RGS3: variants seen among roughly 807,000 people sequenced by gnomAD.
The protein encoded by RGS3 is regulator of G protein signaling 3.
A neutral mutation model predicts 132.6 loss-of-function variants in RGS3; 80 were observed. That is an observed-to-expected ratio of 0.60 (90% CI 0.50 to 0.73). RGS3 has a LOEUF of 0.73. RGS3 is among the 30% of genes least tolerant of loss of function. The probability of loss-of-function intolerance (pLI) is 0.00; values close to 1 mark genes in which losing one functional copy is unlikely to be tolerated. For missense variants in RGS3, 1,382 were observed against 1,530.8 expected, an observed-to-expected ratio of 0.90 and a Z score of 1.62; for synonymous variants, 598 against 620.6, an observed-to-expected ratio of 0.96 and a Z score of 0.54.
At chr9:113,497,496 C>G in intron 9 of RGS3, 92 bp downstream of exon 7, 2 of 1,051,980 alleles carry the variant, frequency 1.9e-6, no homozygotes, top group Non-Finnish European at 2.8e-6. Context: ...TTTGGTGGCC[C>G]CTGCTACTGA....
rs747060935 is a variant in RGS3 at position 113,594,156 on chromosome 9, G to A, written c.3081-274G>A. The A allele has an allele frequency of 1.6e-5, 26 of 1,612,996 alleles. No individual in the cohort carries two copies. The highest frequency in any genetic ancestry group is 2.2e-5 in the South Asian group (2 of 91,092). ...TCATCAGGCCAGGATTCCAGAGAGC[G>A]TGTGTGGCTGCAGCCTGCACCGTTG... On this transcript the variant is annotated intron_variant, in intron 21 of 24. Transcript: ENST00000350696.
chr9:113,449,186 G>A (rs1473255518), intron 1 of RGS3, among the ~76,000 whole-genome samples: 1 of 152,158 alleles, frequency 6.6e-6, no homozygotes, highest in Non-Finnish European at 1.5e-5. Context: ...GACCAGTTAG[G>A]AGGCTATCAT....
chr9:113,501,361 T>C (rs1234102007), intron 10 of RGS3: 2 of 1,307,120 alleles, frequency 1.5e-6, no homozygotes, highest in Non-Finnish European at 2.0e-6. Flanking sequence ...TCCCTCTTCC[T>C]TGTCATTCTG....
intron 17 of RGS3, among the ~76,000 whole-genome samples, chr9:113,524,496 G>T (rs569333278): frequency 3.3e-5 from 5 of 152,228 alleles, no homozygotes; most frequent in Non-Finnish European, 7.3e-5. Flanking sequence ...TCAGCTTCCT[G>T]CGAGAAGGAG....
chr9:113,479,539 A>G, exon 4 of RGS3: 1 of 1,614,090 alleles, frequency 6.2e-7, no homozygotes, highest in Non-Finnish European at 8.5e-7. Context: ...CTGCTGCTTC[A>G]CAGTGAGTAC....
intron 7 of RGS3, among the ~76,000 whole-genome samples, chr9:113,491,019 T>A (rs1359950623): frequency 7.4e-6 from 1 of 134,464 alleles, no homozygotes. Flanking sequence ...GTAACGTAAT[T>A]ATTATATATT....
intron 19 of RGS3, among the ~76,000 whole-genome samples, chr9:113,566,343 G>A (rs548009826): frequency 6.6e-6 from 1 of 152,330 alleles, no homozygotes; most frequent in Admixed American, 6.5e-5. Flanking sequence ...CCATCAGGCA[G>A]GGGGTGGTGG....
chr9:113,493,096 C>T (rs1468160301), intron 7 of RGS3, among the ~76,000 whole-genome samples: 1 of 152,194 alleles, frequency 6.6e-6, no homozygotes, highest in Non-Finnish European at 1.5e-5. Context: ...GAATGTGTGA[C>T]AAATAAAATG....
intron 3 of RGS3, among the ~76,000 whole-genome samples, chr9:113,471,714 C>G (rs1326826382): frequency 1.3e-5 from 2 of 152,004 alleles, no homozygotes; most frequent in African/African-American, 4.8e-5. Context: ...CTGCAGTTGT[C>G]CGAGCAGGCA....
intron 13 of RGS3, 69 bp from the exon 12 acceptor site, chr9:113,508,472 C>A: frequency 6.3e-7 from 1 of 1,589,632 alleles, no homozygotes; most frequent in Non-Finnish European, 8.6e-7. Flanking sequence ...GCCCCCGTGT[C>A]CAGCAGCCTC....
In RGS3 at chr9:113,453,737, T is replaced by C. The variant is rs901860193; in HGVS notation, c.-12-6508T>C. Among the ~76,000 whole-genome samples, 20 of 129,206 alleles carry C rather than the reference T, an allele frequency of 1.5e-4. No homozygotes were observed. The South Asian group carries it at 4.8e-3, about 31-fold the overall frequency. The allele number at this position is 129,206 out of a possible 152,430, so 84.8% of individuals were successfully genotyped here. ...TTATATGATTATATAATATACTCAT[T>C]ATATGATTATATAATATACTCATTA... On this transcript the variant is annotated intron_variant, in intron 1 of 25. Coordinates refer to the RGS3 transcript ENST00000374140.
chr9:113,493,208 A>G (rs955745762), intron 7 of RGS3, among the ~76,000 whole-genome samples: 1 of 152,218 alleles, frequency 6.6e-6, no homozygotes, highest in Non-Finnish European at 1.5e-5. Context: ...ACTGCCTCCT[A>G]TTAGTGCTGA....
At chr9:113,458,456 T>C (rs1829407299), upstream of RGS3, among the ~76,000 whole-genome samples, 1 of 152,230 alleles carries the variant, frequency 6.6e-6, no homozygotes. Context: ...AACTTGATCA[T>C]GAATATACTG....
At chr9:113,582,074 G>A in intron 19 of RGS3, 1 of 985,404 alleles carries the variant, frequency 1.0e-6, no homozygotes, top group Non-Finnish European at 1.2e-6. Context: ...GCTCCCAGAT[G>A]CCAGCGTGAC....
intron 15 of RGS3, chr9:113,517,220 T>C: frequency 1.9e-6 from 1 of 514,532 alleles, no homozygotes; most frequent in South Asian, 1.5e-5. Flanking sequence ...AGGAGCCCAG[T>C]GCAGTGGGGG....
intron 4 of RGS3, among the ~76,000 whole-genome samples, chr9:113,481,652 C>T (rs1830161102): frequency 6.6e-6 from 1 of 152,236 alleles, no homozygotes; most frequent in Non-Finnish European, 1.5e-5. Context: ...TCAGGCCCTT[C>T]ATCCCTTCCC....
intron 19 of RGS3, among the ~76,000 whole-genome samples, chr9:113,567,530 G>T (rs1452370135): frequency 1.3e-5 from 2 of 152,216 alleles, no homozygotes; most frequent in African/African-American, 4.8e-5. Context: ...TGGCATAGAG[G>T]GCCTGTCGGG....
chr9:113,553,460 ATATAT>A (rs1388180866), intron 19 of RGS3, among the ~76,000 whole-genome samples: 3 of 49,810 alleles, frequency 6.0e-5, no homozygotes, highest in African/African-American at 1.6e-4. Flanking sequence ...AAAAAAAAAA[ATATAT>A]ATATATATAT....
In RGS3 at chr9:113,502,307, T is replaced by C. The variant is rs534055352; in HGVS notation, c.898-3135T>C. 1.2e-4 allele frequency among the ~76,000 whole-genome samples: 19 copies of C among 152,328 alleles called. 1 individual carries two copies. In the South Asian group the frequency reaches 3.9e-3, roughly 32 times the overall value. ...TTAGGGATGGTGAAGGCAAGTGATATCTAATCTGGAAGGGAGTTCTGAAAT... is the reference window on the plus strand; with the variant it reads ...TTAGGGATGGTGAAGGCAAGTGATACCTAATCTGGAAGGGAGTTCTGAAAT... On this transcript the variant is annotated intron_variant, in intron 10 of 24. Transcript: ENST00000350696.
Sources: gnomAD v4.1 joint callset for allele counts (sites outside exome capture counted in the v4.1 genomes callset) on GRCh38, gnomAD v4.1.1 for gene constraint, MANE v1.5 for transcripts, NCBI Gene and HGNC (gene_info 2026-07-23, HGNC 2026-07-21) for gene names.